The following PRDM6 variants were observed in gnomAD, a reference collection of about 807,000 sequenced individuals.
The protein encoded by PRDM6 is PR/SET domain 6, also known as putative histone-lysine N-methyltransferase PRDM6.
PRDM6 carries 25 observed loss-of-function variants against 60.8 expected under a neutral mutation model. The ratio of observed to expected loss-of-function variants is 0.41; its 90% CI spans 0.30 to 0.57. The LOEUF is 0.57. PRDM6 is among the 20% of genes least tolerant of loss of function. The pLI is 0.27. For synonymous variants in PRDM6, 407 were observed against 357.4 expected (o/e 1.14, Z -1.57); for missense variants, 839 against 821.3 (o/e 1.02, Z -0.26).
chr5:123,105,607 A>ATACACTGGT (rs1764184494), intron 3 of PRDM6, among the ~76,000 whole-genome samples: 1 of 152,258 alleles, frequency 6.6e-6, no homozygotes, highest in Non-Finnish European at 1.5e-5. Context: ...GATGGATTTA[A>ATACACTGGT]TACACTGGTA....
intron 3 of PRDM6, among the ~76,000 whole-genome samples, chr5:123,134,603 T>C (rs1764910553): frequency 6.6e-6 from 1 of 152,124 alleles, no homozygotes; most frequent in South Asian, 2.1e-4. Context: ...TTTAATTTAA[T>C]CTTAAAAGGA....
intron 3 of PRDM6, among the ~76,000 whole-genome samples, chr5:123,114,309 A>G (rs899092127): frequency 5.9e-5 from 9 of 152,186 alleles, no homozygotes; most frequent in Admixed American, 2.0e-4. Context: ...ATGTCTCGCT[A>G]ATTTTCACTG....
At position 123,099,971 on chromosome 5, in the gene PRDM6, C is replaced by T. The variant is rs762261745; in HGVS notation, c.900+10C>T. The T allele has an allele frequency of 3.3e-6, 5 of 1,493,736 alleles. No homozygotes were observed. In the East Asian group the frequency reaches 1.0e-4, roughly 30 times the overall value. The allele number at this position is 1,493,736 out of a possible 1,614,324, so 92.5% of individuals were successfully genotyped here. On this transcript the variant is annotated intron_variant, in intron 3 of 7. Transcript: ENST00000407847. This position sits in a 1 kb window ranked among gnomAD's most constrained non-coding sequence, Gnocchi z 4.0. ...GCAGCATCTCTGGGAGGTAAGTGGC[C>T]GGCTGCACAGCGCCTCCCCACCGAG... is the stretch of plus-strand genomic sequence containing the variant.
rs1179452842 is a variant in PRDM6 at position 123,099,695 on chromosome 5, A to G, written c.634A>G (p.Met212Val). ...GGACAACCGCAACGGCGAGTGCCCT[A>G]TGCATGGGCCACTGCACTCGCTGCG... The part of the protein sequence containing the change: ...CADNRNGECP[M>V]HGPLHSLRRL... Residue 212 changes from methionine to valine, a missense_variant, in exon 3 of 8, where the codon ATG (methionine) becomes GTG (valine). Physicochemically the swap from Met to Val is conservative, Grantham distance 21. Coordinates refer to ENST00000407847, the MANE Select transcript of PRDM6 (RefSeq NM_001136239.4). This position sits in a 1 kb window ranked among gnomAD's most constrained non-coding sequence, Gnocchi z 4.0. 2 of 1,514,068 alleles carry G rather than the reference A, an allele frequency of 1.3e-6. No homozygotes were observed. Among genetic ancestry groups the G allele is most frequent in the African/African-American group, 1.4e-5 (1 of 71,800 alleles). 93.8% of individuals were successfully genotyped at this position (1,514,068 alleles called of 1,614,324 possible).
chr5:123,095,257 A>G (rs947879010), intron 2 of PRDM6, among the ~76,000 whole-genome samples: 3 of 152,236 alleles, frequency 2.0e-5, no homozygotes, highest in African/African-American at 7.2e-5. Context: ...GCCACGCCTC[A>G]TGTCAGAAGA....
In PRDM6 at chr5:123,183,567, G is replaced by A. The variant is rs369891636; in HGVS notation, c.1673+3244G>A. Among the ~76,000 whole-genome samples the A allele has an allele frequency of 5.3e-5, 8 of 152,240 alleles. No individual in the cohort carries two copies. The East Asian group carries it at 7.7e-4, about 15-fold the overall frequency. ...GGCCTGTCAGCAGCTACCCTAGGCC[G>A]TAGACTTAGGATTTCTAAGATAAAG... On this transcript the variant is annotated intron_variant, in intron 7 of 7. Coordinates refer to ENST00000407847, the MANE Select transcript of PRDM6 (RefSeq NM_001136239.4).
intron 3 of PRDM6, among the ~76,000 whole-genome samples, chr5:123,143,368 C>T (rs1210121854): frequency 1.3e-5 from 2 of 152,136 alleles, no homozygotes; most frequent in Non-Finnish European, 2.9e-5. Flanking sequence ...CCCACAGATG[C>T]TTCCTGTGGA....
At chr5:123,129,145 C>T (rs140755057) in intron 3 of PRDM6, among the ~76,000 whole-genome samples, 205 of 152,262 alleles carry the variant, frequency 1.3e-3, no homozygotes, top group African/African-American at 4.3e-3. Flanking sequence ...GTACCAGTAC[C>T]ATGCTGATTT....
chr5:123,143,322 C>T (rs1029884025), intron 3 of PRDM6, among the ~76,000 whole-genome samples: 1 of 152,014 alleles, frequency 6.6e-6, no homozygotes, highest in Non-Finnish European at 1.5e-5. Context: ...CTCTATAGAC[C>T]CGACGTAAGA....
chr5:123,156,392 C>T (rs1026137344), intron 4 of PRDM6, among the ~76,000 whole-genome samples: 3 of 152,178 alleles, frequency 2.0e-5, no homozygotes, highest in Non-Finnish European at 4.4e-5. Flanking sequence ...CTCTTGCTTT[C>T]AGTCTCCTTC....
intron 5 of PRDM6, among the ~76,000 whole-genome samples, chr5:123,163,731 A>G (rs1348362224): frequency 2.0e-5 from 3 of 152,094 alleles, no homozygotes. Context: ...TAAAGACCTT[A>G]GTGTATTCAT....
chr5:123,135,062 A>G (rs1356236350), intron 3 of PRDM6, among the ~76,000 whole-genome samples: 2 of 152,154 alleles, frequency 1.3e-5, no homozygotes, highest in Non-Finnish European at 2.9e-5. Flanking sequence ...TGCTGAAAGC[A>G]AATTATCTCT....
chr5:123,162,105 G>A (rs1765645973), intron 5 of PRDM6, among the ~76,000 whole-genome samples: 1 of 152,194 alleles, frequency 6.6e-6, no homozygotes, highest in Non-Finnish European at 1.5e-5. Context: ...CTGGAAGGAT[G>A]GCATGACCAC....
chr5:123,152,238 A>T (rs1367938881), intron 3 of PRDM6, among the ~76,000 whole-genome samples: 1 of 152,250 alleles, frequency 6.6e-6, no homozygotes, highest in African/African-American at 2.4e-5. Context: ...GTAAATGTCT[A>T]ATGAGGCCAA....
At chr5:123,155,628 A>T (rs998370383) in intron 3 of PRDM6, among the ~76,000 whole-genome samples, 6 of 152,184 alleles carry the variant, frequency 3.9e-5, no homozygotes, top group African/African-American at 1.4e-4. Context: ...TTTGGGAAAT[A>T]TGGTCACATC....
chr5:123,134,888 G>A (rs752320664), intron 3 of PRDM6, among the ~76,000 whole-genome samples: 44 of 151,930 alleles, frequency 2.9e-4, no homozygotes, highest in Non-Finnish European at 4.6e-4. Flanking sequence ...TAATCACATC[G>A]CAATGCAGGG....
chr5:123,142,340 C>T (rs1421449227), intron 3 of PRDM6, among the ~76,000 whole-genome samples: 1 of 152,044 alleles, frequency 6.6e-6, no homozygotes, highest in African/African-American at 2.4e-5. Flanking sequence ...AGTTCAGTGA[C>T]TTAGTAGGTC....
chr5:123,112,440 T>C (rs1396623383), intron 3 of PRDM6, among the ~76,000 whole-genome samples: 1 of 152,240 alleles, frequency 6.6e-6, no homozygotes, highest in Non-Finnish European at 1.5e-5. Flanking sequence ...TGCTGATCTT[T>C]TTCCCTCCTC....
At chr5:123,094,417 C>T (rs552182047) in intron 2 of PRDM6, among the ~76,000 whole-genome samples, 1 of 133,390 alleles carries the variant, frequency 7.5e-6, no homozygotes, top group African/African-American at 2.6e-5. Context: ...GGCTTCAGTG[C>T]GTGGGCTTTT....
Sources: allele counts gnomAD v4.1 joint callset (sites outside exome capture counted in the v4.1 genomes callset), GRCh38; gene constraint gnomAD v4.1.1; non-coding constraint Gnocchi (gnomAD v3.1); transcripts MANE v1.5; gene names NCBI Gene and HGNC (gene_info 2026-07-23, HGNC 2026-07-21).